The following ADAM22 variants were observed in gnomAD, a reference collection of about 807,000 sequenced individuals.
ADAM22 encodes disintegrin and metalloproteinase domain-containing protein 22.
Under a neutral mutation model 144.6 loss-of-function variants are expected in ADAM22, and 65 were observed. The ratio of observed to expected loss-of-function variants is 0.45; its 90% CI spans 0.37 to 0.55. ADAM22 has a LOEUF of 0.55. ADAM22 is among the 20% of genes least tolerant of loss of function. The pLI, the probability that ADAM22 is intolerant of heterozygous loss-of-function variation, is 0.00. For synonymous variants in ADAM22, 391 were observed against 412.6 expected, an observed-to-expected ratio of 0.95 and a Z score of 0.63; for missense variants, 974 against 1,184.9, an observed-to-expected ratio of 0.82 and a Z score of 2.61.
At chr7:88,087,011 A>G (rs1166518090) in intron 4 of ADAM22, among the ~76,000 whole-genome samples, 2 of 152,182 alleles carry the variant, frequency 1.3e-5, no homozygotes, top group Non-Finnish European at 2.9e-5. Context: ...AAATACAACT[A>G]TTATCCTAAT....
At chr7:88,069,467 A>G (rs1812175018) in intron 3 of ADAM22, among the ~76,000 whole-genome samples, 3 of 152,208 alleles carry the variant, frequency 2.0e-5, no homozygotes, top group Admixed American at 1.3e-4. Context: ...TATTTTTCAC[A>G]GGGCCAGCTC....
At position 88,130,421 on chromosome 7, in the gene ADAM22, A is replaced by G; in HGVS notation, c.787A>G (p.Asn263Asp). The change falls in exon 10 of 32, where the codon AAT becomes GAT. Residue 263 changes from asparagine (N) to aspartate (D), a missense_variant. Asn to Asp is a conservative substitution (Grantham distance 23). Coordinates refer to ENST00000413139, the MANE Select transcript of ADAM22 (RefSeq NM_001324418.2). The part of the protein sequence containing the change: ...KKHRLSVVHT[N>D]TYAKSVVNMA... ...ACATCGGCTTTCCGTTGTACATACCAATACCTATGCGAAATCTGTGGTGAA... is the reference window on the plus strand; with the variant it reads ...ACATCGGCTTTCCGTTGTACATACCGATACCTATGCGAAATCTGTGGTGAA... 6.2e-7 allele frequency: 1 copy of G among 1,613,336 alleles called. No individual in the cohort carries two copies. The highest frequency in any genetic ancestry group is 8.5e-7 in the Non-Finnish European group (1 of 1,179,450).
intron 3 of ADAM22, among the ~76,000 whole-genome samples, chr7:88,004,699 A>G (rs1793373117): frequency 6.6e-6 from 1 of 152,176 alleles, no homozygotes; most frequent in Non-Finnish European, 1.5e-5. Context: ...AGTAATGTAA[A>G]TTTTGTGGAT....
chr7:88,017,661 A>T (rs575685212), intron 3 of ADAM22, among the ~76,000 whole-genome samples: 3 of 152,040 alleles, frequency 2.0e-5, no homozygotes, highest in Non-Finnish European at 4.4e-5. Context: ...CAGAAGTTTT[A>T]TTTACTTCTA....
intron 2 of ADAM22, among the ~76,000 whole-genome samples, chr7:87,960,801 A>G (rs1847847468): frequency 6.6e-6 from 1 of 152,104 alleles, no homozygotes; most frequent in Non-Finnish European, 1.5e-5. Flanking sequence ...TGAGTAACTA[A>G]CACTAATGCA....
At chr7:88,106,090 C>T (rs1319567416) in intron 4 of ADAM22, among the ~76,000 whole-genome samples, 1 of 152,260 alleles carries the variant, frequency 6.6e-6, no homozygotes, top group East Asian at 1.9e-4. Flanking sequence ...TTAACATCTA[C>T]ACTACACTGG....
intron 2 of ADAM22, among the ~76,000 whole-genome samples, chr7:87,967,403 G>T (rs1391061644): frequency 6.6e-6 from 1 of 152,134 alleles, no homozygotes; most frequent in Admixed American, 6.5e-5. Context: ...TAGAAAGATT[G>T]CTTGAGCTCA....
intron 3 of ADAM22, among the ~76,000 whole-genome samples, chr7:88,013,152 T>C (rs1160633402): frequency 6.6e-6 from 1 of 152,194 alleles, no homozygotes; most frequent in Non-Finnish European, 1.5e-5. Flanking sequence ...TACCCAAGTC[T>C]TCCACCAATT....
intron 5 of ADAM22, among the ~76,000 whole-genome samples, chr7:88,112,654 G>A (rs553074500): frequency 1.3e-5 from 2 of 152,286 alleles, no homozygotes; most frequent in East Asian, 3.9e-4. Context: ...GTGCTCTCCA[G>A]AGGATTTCTC....
intron 2 of ADAM22, among the ~76,000 whole-genome samples, chr7:87,961,916 T>C (rs1848077784): frequency 6.6e-6 from 1 of 152,218 alleles, no homozygotes; most frequent in Non-Finnish European, 1.5e-5. Flanking sequence ...TGGTTTTGTG[T>C]AGGTTTGTTT....
At chr7:88,099,067 A>C (rs1379426343) in intron 4 of ADAM22, among the ~76,000 whole-genome samples, 1 of 152,232 alleles carries the variant, frequency 6.6e-6, no homozygotes, top group African/African-American at 2.4e-5. Flanking sequence ...TAAGATGGGC[A>C]GTATGTGCCT....
Position 87,935,165 on chromosome 7 carries a change from G to A in ADAM22, c.225G>A (p.Arg75=), listed in dbSNP as rs758074249. The A allele has an allele frequency of 3.7e-6, 6 of 1,609,320 alleles. No individual in the cohort carries two copies. The highest frequency in any genetic ancestry group is 5.1e-6 in the Non-Finnish European group (6 of 1,177,688). ...SRHDALDTRV[R]GDLGGPQLTH... ...ACGACGCGCTCGACACGCGGGTGCG[G>A]GGCGACCTCGGTGGCCCGCAGGTGA... The change falls in exon 2 of 32, where the codon CGG becomes CGA. Residue 75 remains arginine (R), a synonymous_variant. Transcript: ENST00000413139.
intron 3 of ADAM22, among the ~76,000 whole-genome samples, chr7:88,063,119 G>A (rs115744534): frequency 8.9e-4 from 135 of 152,192 alleles, no homozygotes; most frequent in African/African-American, 3.0e-3. Context: ...GCTTGGTGCC[G>A]GATTGTTACA....
At chr7:88,150,453 T>TC (rs1838008088) in intron 18 of ADAM22, among the ~76,000 whole-genome samples, 1 of 152,240 alleles carries the variant, frequency 6.6e-6, no homozygotes. Flanking sequence ...AAGTGTGCCC[T>TC]TTTCTGACAT....
intron 3 of ADAM22, among the ~76,000 whole-genome samples, chr7:88,023,244 ATATT>A (rs1264522469): frequency 1.3e-5 from 2 of 152,080 alleles, no homozygotes; most frequent in Non-Finnish European, 2.9e-5. Flanking sequence ...AGATCTCTTT[ATATT>A]TATTTATTGA....
At chr7:88,014,028 A>G (rs1027795129) in intron 3 of ADAM22, among the ~76,000 whole-genome samples, 2 of 152,176 alleles carry the variant, frequency 1.3e-5, no homozygotes, top group Non-Finnish European at 2.9e-5. Flanking sequence ...AGTAACATCT[A>G]TGAAATCATA....
In ADAM22 at chr7:88,187,219, A is replaced by G. The variant is rs148227003; in HGVS notation, c.2750+518A>G. ...GGTCTAACTGGAAAATTACTGAGAC[A>G]ACATTGACCACATGGGAGTATGTGG... is the stretch of plus-strand genomic sequence containing the variant. On this transcript the variant is annotated intron_variant, in intron 30 of 31. Coordinates refer to ENST00000413139, the MANE Select transcript of ADAM22 (RefSeq NM_001324418.2). 2.9e-3 allele frequency among the ~76,000 whole-genome samples: 439 copies of G among 152,326 alleles called. 1 individual carries two copies. The highest frequency in any genetic ancestry group is 0.01 in the African/African-American group (424 of 41,560).
chr7:87,974,102 A>G (rs886483500), intron 2 of ADAM22, among the ~76,000 whole-genome samples: 8 of 150,720 alleles, frequency 5.3e-5, no homozygotes, highest in Admixed American at 4.6e-4. Context: ...ATAAAATTAA[A>G]AAAAAAAAAA....
Position 88,145,523 on chromosome 7 carries a change from T to G in ADAM22, c.1485+16T>G. 1 of 1,590,572 alleles carries G rather than the reference T, an allele frequency of 6.3e-7. No individual in the cohort carries two copies. Among genetic ancestry groups the G allele is most frequent in the Non-Finnish European group, 8.6e-7 (1 of 1,160,910 alleles). ...AAAGTGCAAGGTAAATAAACATTAA[T>G]GACCATTTGACAGAAAAAAAGGACA... On this transcript the variant is annotated intron_variant, in intron 17 of 31. Transcript: ENST00000413139.
Sources: gnomAD v4.1 joint callset for allele counts (sites outside exome capture counted in the v4.1 genomes callset) on GRCh38, gnomAD v4.1.1 for gene constraint, MANE v1.5 for transcripts, NCBI Gene and HGNC (gene_info 2026-07-23, HGNC 2026-07-21) for gene names.